Variants in CLMN observed in about 807,000 individuals in gnomAD.
CLMN encodes the protein calmin (calponin-like, transmembrane).
In CLMN, 57 loss-of-function variants were observed where a neutral mutation model predicts 92.7. That is an observed-to-expected ratio of 0.61 (90% CI 0.50 to 0.77). The LOEUF (loss-of-function observed/expected upper bound fraction) is 0.77. Among genes scored for constraint, CLMN ranks in the 30% least tolerant of loss-of-function variants. The pLI, the probability that CLMN is intolerant of heterozygous loss-of-function variation, is 0.00. For synonymous variants in CLMN, 466 were observed against 470.6 expected (o/e 0.99, Z 0.13); for missense variants, 1,158 against 1,237.5 (o/e 0.94, Z 0.96).
intron 9 of CLMN, among the ~76,000 whole-genome samples, chr14:95,200,101 A>C (rs544966902): frequency 5.0e-4 from 76 of 152,208 alleles, no homozygotes; most frequent in African/African-American, 1.7e-3. Context: ...ATGCAATCTG[A>C]AATAGCTGGT....
At chr14:95,245,692 G>GTGGATGGA (rs1190138572) in intron 1 of CLMN, among the ~76,000 whole-genome samples, 12 of 71,004 alleles carry the variant, frequency 1.7e-4, no homozygotes, top group Admixed American at 1.2e-3. Context: ...GGGTGGGTGG[G>GTGGATGGA]TGGATGGATG....
chr14:95,285,874 T>C (rs1221347197), intron 1 of CLMN, among the ~76,000 whole-genome samples: 1 of 152,130 alleles, frequency 6.6e-6, no homozygotes, highest in Non-Finnish European at 1.5e-5. Flanking sequence ...CACGGCACTC[T>C]TTCCCACCCA....
At chr14:95,283,570 C>T (rs1269039221) in intron 1 of CLMN, among the ~76,000 whole-genome samples, 1 of 152,104 alleles carries the variant, frequency 6.6e-6, no homozygotes. Context: ...TGGTTTTGCC[C>T]AAAATGCTGA....
At chr14:95,304,903 C>A (rs1253318637) in intron 1 of CLMN, among the ~76,000 whole-genome samples, 1 of 152,130 alleles carries the variant, frequency 6.6e-6, no homozygotes, top group African/African-American at 2.4e-5. Flanking sequence ...GCATGGGGGT[C>A]CCCATGAAAC....
intron 1 of CLMN, among the ~76,000 whole-genome samples, chr14:95,273,656 A>G (rs1288615169): frequency 1.3e-5 from 2 of 152,196 alleles, no homozygotes; most frequent in Non-Finnish European, 2.9e-5. Flanking sequence ...AGGGAATTTA[A>G]TAACCTTGGG....
chr14:95,264,504 A>C (rs143844224), intron 1 of CLMN, among the ~76,000 whole-genome samples: 2 of 152,304 alleles, frequency 1.3e-5, no homozygotes, highest in East Asian at 3.9e-4. Flanking sequence ...CAGAGGGCTC[A>C]ATAAATGGCT....
At chr14:95,197,553 G>A (rs1013473747) in intron 9 of CLMN, among the ~76,000 whole-genome samples, 13 of 152,166 alleles carry the variant, frequency 8.5e-5, no homozygotes, top group Admixed American at 8.5e-4. Flanking sequence ...TATAGGTTTG[G>A]AGAGGCACAC....
intron 1 of CLMN, among the ~76,000 whole-genome samples, chr14:95,265,932 A>G (rs189865398): frequency 1.8e-4 from 27 of 152,326 alleles, no homozygotes; most frequent in African/African-American, 6.3e-4. Flanking sequence ...CCATCTCCTG[A>G]TGAAACCAGA....
intron 1 of CLMN, among the ~76,000 whole-genome samples, chr14:95,280,366 G>A (rs1201619787): frequency 1.3e-5 from 2 of 152,174 alleles, no homozygotes; most frequent in Non-Finnish European, 2.9e-5. Flanking sequence ...TCTTGAGCAA[G>A]ATTTTCATGT....
At chr14:95,271,199 GA>G (rs1899696580) in intron 1 of CLMN, among the ~76,000 whole-genome samples, 1 of 152,178 alleles carries the variant, frequency 6.6e-6, no homozygotes, top group African/African-American at 2.4e-5. Flanking sequence ...ATTCATTGTG[GA>G]TACAGTCCCT....
At chr14:95,274,843 G>A (rs561840622) in intron 1 of CLMN, among the ~76,000 whole-genome samples, 1 of 152,228 alleles carries the variant, frequency 6.6e-6, no homozygotes, top group East Asian at 1.9e-4. Flanking sequence ...GCTGGGCTTG[G>A]TGGCAGGCGC....
chr14:95,240,606 C>G (rs138449461), intron 1 of CLMN, among the ~76,000 whole-genome samples: 1 of 152,294 alleles, frequency 6.6e-6, no homozygotes, highest in Non-Finnish European at 1.5e-5. Flanking sequence ...TAAATATTCA[C>G]TGAGTTAAGC....
chr14:95,223,800 A>G lies in CLMN; in HGVS notation c.200T>C (p.Ile67Thr). ...CAGGACTTCTAACAAAGCCATTAGGATTTTGCCATCTTGTATATCGACGAA... is the reference window on the plus strand; with the variant it reads ...CAGGACTTCTAACAAAGCCATTAGGGTTTTGCCATCTTGTATATCGACGAA... ...DLFVDIQDGK[I>T]LMALLEVLSG... Residue 67 changes from isoleucine (I) to threonine (T), a missense_variant, in exon 3 of 13, where the codon ATC (isoleucine) becomes ACC (threonine). Ile to Thr is a moderately conservative substitution (Grantham distance 89). Transcript: ENST00000298912. 3 of 1,613,942 alleles carry G rather than the reference A, an allele frequency of 1.9e-6. No homozygotes were observed. In the South Asian group the frequency reaches 3.3e-5, roughly 18 times the overall value.
At position 95,300,640 on chromosome 14, in the gene CLMN, C is replaced by G. The variant is rs148518106; in HGVS notation, c.82+19071G>C. On this transcript the variant is annotated intron_variant, in intron 1 of 12. Transcript: ENST00000298912. ...CCCTCTGCAAGGAACGTTCCTCCCC[C>G]TCCCATCTGGCTAACTCCCATTTAT... 7.3e-3 allele frequency among the ~76,000 whole-genome samples: 1,106 copies of G among 152,318 alleles called. 8 individuals carry two copies. The highest frequency in any genetic ancestry group is 0.025 in the South Asian group (123 of 4,828).
chr14:95,242,250 C>CTTTTTTTTTTTTTTTTTTT (rs371417505), intron 1 of CLMN, among the ~76,000 whole-genome samples: 20 of 92,590 alleles, frequency 2.2e-4, no homozygotes, highest in Non-Finnish European at 3.2e-4. Flanking sequence ...TTTTCTTTTT[C>CTTTTTTTTTTTTTTTTTTT]TTTTTTTTTT....
intron 1 of CLMN, among the ~76,000 whole-genome samples, chr14:95,261,783 A>G (rs76142138): frequency 0.21 from 32,607 of 152,118 alleles, 4,183 homozygotes; most frequent in African/African-American, 0.36. Context: ...TTGGGCAGTT[A>G]TGCCCCAGAT....
chr14:95,313,482 C>T (rs1006681088), intron 1 of CLMN, among the ~76,000 whole-genome samples: 4 of 152,204 alleles, frequency 2.6e-5, no homozygotes, highest in African/African-American at 9.6e-5. Context: ...CAGATTTGGC[C>T]TGTGGGCCGT....
At chr14:95,319,586 G>A (rs1178080335) in intron 1 of CLMN, 125 bp downstream of exon 1, 16 of 777,342 alleles carry the variant, frequency 2.1e-5, no homozygotes, top group Non-Finnish European at 3.1e-5. Flanking sequence ...CCACCTCGAG[G>A]CAAGTGACAG....
chr14:95,318,708 T>C (rs12887808), intron 1 of CLMN, among the ~76,000 whole-genome samples: 3,090 of 152,066 alleles, frequency 0.02, 59 homozygotes, highest in Middle Eastern at 0.037. Context: ...GGGAAGCAGC[T>C]ACAGAAACTT....
Sources: gnomAD v4.1 joint callset for allele counts (sites outside exome capture counted in the v4.1 genomes callset) on GRCh38, gnomAD v4.1.1 for gene constraint, MANE v1.5 for transcripts, NCBI Gene and HGNC (gene_info 2026-07-23, HGNC 2026-07-21) for gene names.